CNTN6: variants seen among roughly 807,000 people sequenced by gnomAD.
CNTN6 encodes contactin 6.
In CNTN6, 137 loss-of-function variants were observed where a neutral mutation model predicts 122.8. The ratio of observed to expected loss-of-function variants is 1.12; its 90% CI spans 0.97 to 1.29. The LOEUF (loss-of-function observed/expected upper bound fraction) is 1.29, where lower values mean the gene tolerates loss of function less well. Among genes scored for constraint, CNTN6 ranks in the 50% most tolerant of loss-of-function variants. The pLI is 0.00. For synonymous variants in CNTN6, 570 were observed against 426.0 expected, an observed-to-expected ratio of 1.34 and a Z score of -4.16; for missense variants, 1,634 against 1,223.4, an observed-to-expected ratio of 1.34 and a Z score of -5.01.
rs2094606941 is a variant in CNTN6, at chr3:1,248,137, G to A, written c.358+20144G>A. Among the ~76,000 whole-genome samples, 3 of 152,138 alleles carry A rather than the reference G, an allele frequency of 2.0e-5. 1 individual carries two copies. ...AAACTAGGTTTCGAGTATTTCCTTT[G>A]AGCATTCCTTCATGTGCTTTTATGA... On this transcript the variant is annotated intron_variant, in intron 4 of 22. Coordinates refer to ENST00000446702, the MANE Select transcript of CNTN6 (RefSeq NM_001289080.2).
Position 1,321,636 on chromosome 3 carries a change from G to T in CNTN6, c.762-14G>T, listed in dbSNP as rs1229704356. The T allele has an allele frequency of 1.9e-6, 3 of 1,604,282 alleles. No individual in the cohort carries two copies. The highest frequency in any genetic ancestry group is 4.5e-5 in the East Asian group (2 of 44,626). Reference sequence around the variant, plus strand: ...TTAAACCGTCTTCTATTCTAATGAGGTGTAACTGTTTAGTCCAGTCCCCGA... The same window carrying T: ...TTAAACCGTCTTCTATTCTAATGAGTTGTAACTGTTTAGTCCAGTCCCCGA... On this transcript the variant is annotated splice_polypyrimidine_tract_variant and intron_variant, in intron 7 of 22. Transcript: ENST00000446702.
Position 1,402,555 on chromosome 3 carries a change from T to C in CNTN6, c.2986+69T>C. 4.4e-6 allele frequency: 6 copies of C among 1,355,972 alleles called. No individual in the cohort carries two copies. In the South Asian group the frequency reaches 7.2e-5, roughly 16 times the overall value. 84.0% of individuals were successfully genotyped at this position (1,355,972 alleles called of 1,614,324 possible). On this transcript the variant is annotated intron_variant, in intron 22 of 22. Transcript: ENST00000446702. ...AGCTGCAGCATGAAATTCAGCTCCA[T>C]GAAACCTTCCAGTTATGGCTTAAAT...
chr3:1,176,869 C>G (rs550655883), intron 2 of CNTN6, among the ~76,000 whole-genome samples: 1 of 152,220 alleles, frequency 6.6e-6, no homozygotes, highest in Admixed American at 6.5e-5. Flanking sequence ...CTAAATATCA[C>G]TCCACAGATT....
chr3:1,165,232 C>T (rs542464535), intron 2 of CNTN6, among the ~76,000 whole-genome samples: 8 of 152,208 alleles, frequency 5.3e-5, no homozygotes, highest in African/African-American at 9.6e-5. Context: ...TTAATGAAGC[C>T]GTTGGCTCTT....
At chr3:1,120,819 A>G (rs539670270) in intron 1 of CNTN6, among the ~76,000 whole-genome samples, 45 of 151,972 alleles carry the variant, frequency 3.0e-4, no homozygotes, top group Middle Eastern at 3.4e-3. Flanking sequence ...AGTTTCATAC[A>G]GATATCTTGT....
intron 1 of CNTN6, among the ~76,000 whole-genome samples, chr3:1,129,215 G>A (rs1378298864): frequency 6.6e-6 from 1 of 152,050 alleles, no homozygotes; most frequent in East Asian, 1.9e-4. Flanking sequence ...CTATATGACA[G>A]TATGATCACC....
At chr3:1,147,501 G>C (rs2092747900) in intron 1 of CNTN6, among the ~76,000 whole-genome samples, 1 of 151,852 alleles carries the variant, frequency 6.6e-6, no homozygotes, top group South Asian at 2.1e-4. Flanking sequence ...TTTCTCTTTT[G>C]GGCTAAAGGC....
Position 1,377,041 on chromosome 3 carries a change from G to C in CNTN6, c.2132G>C (p.Gly711Ala). ...VVAPVNIHGGGGSRSELVITW... is the reference protein window; with the variant it reads ...VVAPVNIHGGAGSRSELVITW... ...GCACCAGTAAACATCCATGGAGGTGGAGGAAGTCGGTCTGAACTCGTCATT... is the reference window on the plus strand; with the variant it reads ...GCACCAGTAAACATCCATGGAGGTGCAGGAAGTCGGTCTGAACTCGTCATT... The change falls in exon 17 of 23, where the codon GGA becomes GCA. Residue 711 changes from glycine to alanine, a missense_variant. Transcript: ENST00000446702. 2 of 1,605,078 alleles carry C rather than the reference G, an allele frequency of 1.2e-6. No individual in the cohort carries two copies. Among genetic ancestry groups the C allele is most frequent in the Non-Finnish European group, 1.7e-6 (2 of 1,175,270 alleles).
chr3:1,198,123 C>T (rs2093805179), intron 2 of CNTN6, among the ~76,000 whole-genome samples: 1 of 152,108 alleles, frequency 6.6e-6, no homozygotes, highest in Non-Finnish European at 1.5e-5. Context: ...CTATGAAGCA[C>T]TTGAGACTTG....
chr3:1,170,236 CAAAAAA>C (rs10525769), intron 2 of CNTN6, among the ~76,000 whole-genome samples: 20 of 107,454 alleles, frequency 1.9e-4, no homozygotes, highest in Non-Finnish European at 9.4e-5. Context: ...GGCTCCATCT[CAAAAAA>C]AAAAAAAAAA....
chr3:1,144,548 C>G (rs987336758), intron 1 of CNTN6, among the ~76,000 whole-genome samples: 2 of 151,184 alleles, frequency 1.3e-5, no homozygotes, highest in African/African-American at 2.4e-5. Flanking sequence ...GTACTCCAGC[C>G]TGGACAACAA....
In CNTN6 at chr3:1,403,374, G is replaced by C; in HGVS notation, c.3043G>C (p.Val1015Leu). ...ACCTAGCACCCATTTTCTTTCCATTGTCATTGTGATTTTTCACTGTTTTGC... is the reference window on the plus strand; with the variant it reads ...ACCTAGCACCCATTTTCTTTCCATTCTCATTGTGATTTTTCACTGTTTTGC... ...LEPSTHFLSI[V>L]IVIFHCFAIQ... The change falls in exon 23 of 23, where the codon GTC (valine) becomes CTC (leucine). Residue 1015 changes from valine (V) to leucine (L), a missense_variant. Val to Leu is a conservative substitution (Grantham distance 32, BLOSUM62 1). Coordinates refer to ENST00000446702, the MANE Select transcript of CNTN6 (RefSeq NM_001289080.2). The C allele has an allele frequency of 6.2e-7, 1 of 1,611,288 alleles. No individual in the cohort carries two copies. Among genetic ancestry groups the C allele is most frequent in the Non-Finnish European group, 8.5e-7 (1 of 1,178,610 alleles).
chr3:1,337,019 G>T (rs1703172299), intron 11 of CNTN6, among the ~76,000 whole-genome samples: 1 of 152,190 alleles, frequency 6.6e-6, no homozygotes. Flanking sequence ...TATTGAGCAA[G>T]TCACTGGATC....
At chr3:1,312,999 T>A (rs1164949147) in intron 7 of CNTN6, among the ~76,000 whole-genome samples, 1 of 149,728 alleles carries the variant, frequency 6.7e-6, no homozygotes, top group African/African-American at 2.5e-5. Flanking sequence ...TGTTAAATAA[T>A]GATAAAATGA....
intron 12 of CNTN6, among the ~76,000 whole-genome samples, chr3:1,360,054 C>A (rs984197569): frequency 6.6e-6 from 1 of 152,046 alleles, no homozygotes; most frequent in African/African-American, 2.4e-5. Flanking sequence ...GTTGATTAAA[C>A]CTTCCAGTGG....
chr3:1,384,272 T>C (rs988310386), intron 19 of CNTN6, among the ~76,000 whole-genome samples: 1 of 151,236 alleles, frequency 6.6e-6, no homozygotes, highest in Non-Finnish European at 1.5e-5. Flanking sequence ...TATGATTAAT[T>C]ATTCAAATTG....
chr3:1,248,774 C>A (rs761900924), intron 4 of CNTN6, among the ~76,000 whole-genome samples: 1 of 151,866 alleles, frequency 6.6e-6, no homozygotes, highest in African/African-American at 2.4e-5. Context: ...GAGCTGAGAT[C>A]GTGCCATTGC....
chr3:1,154,445 T>TG (rs2092916454), intron 2 of CNTN6, among the ~76,000 whole-genome samples: 1 of 107,716 alleles, frequency 9.3e-6, no homozygotes, highest in African/African-American at 5.4e-5. Context: ...TTTTCTTTTC[T>TG]TTCTTTTTTT....
chr3:1,260,240 A>G (rs1326084500), intron 4 of CNTN6, among the ~76,000 whole-genome samples: 1 of 150,742 alleles, frequency 6.6e-6, no homozygotes, highest in Non-Finnish European at 1.5e-5. Flanking sequence ...TATCAAAAAC[A>G]TTTTTTGTTT....
Sources: allele counts gnomAD v4.1 joint callset (sites outside exome capture counted in the v4.1 genomes callset), GRCh38; gene constraint gnomAD v4.1.1; transcripts MANE v1.5; gene names NCBI Gene and HGNC (gene_info 2026-07-23, HGNC 2026-07-21).